The following CACNA1S variants were observed in gnomAD, a reference collection of about 807,000 sequenced individuals.
The protein encoded by CACNA1S is calcium voltage-gated channel subunit alpha1 S.
In CACNA1S, 126 loss-of-function variants were observed where a neutral mutation model predicts 207.4. That is an observed-to-expected ratio of 0.61 (90% CI 0.53 to 0.70). CACNA1S has a LOEUF of 0.70. Among genes scored for constraint, CACNA1S ranks in the 30% least tolerant of loss-of-function variants. The pLI is 0.00. For synonymous variants in CACNA1S, 960 were observed against 932.7 expected (o/e 1.03, Z -0.53); for missense variants, 2,349 against 2,422.8 (o/e 0.97, Z 0.64).
intron 2 of CACNA1S, among the ~76,000 whole-genome samples, chr1:201,097,423 C>G (rs1286352503): frequency 6.6e-6 from 1 of 151,974 alleles, no homozygotes; most frequent in Non-Finnish European, 1.5e-5. Flanking sequence ...GGTCCCCTAG[C>G]TCTCTAGCTG....
At chr1:201,074,657 T>C (rs1243440281) in intron 13 of CACNA1S, 37 bp from the exon 14 acceptor site, 1 of 1,353,722 alleles carries the variant, frequency 7.4e-7, no homozygotes, top group South Asian at 1.2e-5. Flanking sequence ...TGGTTGTAGG[T>C]GGAAGGGAGC....
intron 25 of CACNA1S, 32 bp downstream of exon 25, chr1:201,061,235 T>G (rs1279591047): frequency 6.3e-7 from 1 of 1,593,858 alleles, no homozygotes; most frequent in African/African-American, 1.3e-5. Flanking sequence ...GCTGGAGCTC[T>G]GCCCTCCACC....
chr1:201,091,858 C>T (rs1662245589), intron 4 of CACNA1S, 66 bp from the exon 5 acceptor site: 3 of 1,594,332 alleles, frequency 1.9e-6, no homozygotes, highest in Non-Finnish European at 1.7e-6. Flanking sequence ...CCCTCCCTCC[C>T]TATAAATCCT....
At chr1:201,055,778 G>C (rs1453772602) in intron 28 of CACNA1S, among the ~76,000 whole-genome samples, 4 of 152,110 alleles carry the variant, frequency 2.6e-5, no homozygotes, top group African/African-American at 9.7e-5. Flanking sequence ...AACACTACTG[G>C]TAAGGGACAT....
chr1:201,063,312 T>G (rs1206722275), intron 22 of CACNA1S, among the ~76,000 whole-genome samples: 4 of 151,570 alleles, frequency 2.6e-5, no homozygotes, highest in Non-Finnish European at 2.9e-5. Context: ...TTTTTTTTTT[T>G]GTTTGCTCAC....
chr1:201,071,117 G>A (rs192201107), intron 16 of CACNA1S, among the ~76,000 whole-genome samples: 94 of 152,180 alleles, frequency 6.2e-4, no homozygotes, highest in Middle Eastern at 3.4e-3. Context: ...GGAGAATCCC[G>A]TGATCAGACG....
chr1:201,099,017 A>C (rs1204349715), intron 2 of CACNA1S, among the ~76,000 whole-genome samples: 1 of 152,156 alleles, frequency 6.6e-6, no homozygotes, highest in Non-Finnish European at 1.5e-5. Flanking sequence ...CTTGGGTTGA[A>C]AAAAGCAGGG....
At chr1:201,109,229 G>A (rs1333483482) in intron 2 of CACNA1S, among the ~76,000 whole-genome samples, 1 of 139,762 alleles carries the variant, frequency 7.2e-6, no homozygotes, top group Non-Finnish European at 1.5e-5. Context: ...GGGCAACAGA[G>A]TGAGACTCTG....
chr1:201,040,836 C>T lies in CACNA1S; in HGVS notation c.5135-123G>A, dbSNP rs1660149707. ...GAGAGCTCTGAGATTCTCAGGGCTG[C>T]AGAAGGTGTCTTAGAGGGTGGACAC... On this transcript the variant is annotated intron_variant, in intron 41 of 43. Coordinates refer to ENST00000362061, the MANE Select transcript of CACNA1S (RefSeq NM_000069.3). 10 of 749,334 alleles carry T rather than the reference C, an allele frequency of 1.3e-5. 1 individual carries two copies. The South Asian group carries it at 1.5e-4, about 11-fold the overall frequency. The allele number at this position is 749,334 out of a possible 1,614,324, so 46.4% of individuals were successfully genotyped here.
chr1:201,058,807 C>T (rs1660940967), intron 27 of CACNA1S, among the ~76,000 whole-genome samples: 1 of 152,234 alleles, frequency 6.6e-6, no homozygotes, highest in Non-Finnish European at 1.5e-5. Context: ...CCCCACTGAA[C>T]ATCCTATCTG....
intron 5 of CACNA1S, among the ~76,000 whole-genome samples, chr1:201,090,201 G>A (rs1337853547): frequency 1.3e-5 from 2 of 152,124 alleles, no homozygotes. Context: ...GGGTCTGTAG[G>A]GGCCCTGACC....
At chr1:201,079,230 T>C (rs1661754894) in intron 10 of CACNA1S, among the ~76,000 whole-genome samples, 1 of 151,956 alleles carries the variant, frequency 6.6e-6, no homozygotes, top group South Asian at 2.1e-4. Flanking sequence ...TATATTGCTC[T>C]CTTCACTTCT....
chr1:201,044,201 G>T, intron 39 of CACNA1S, 127 bp downstream of exon 39: 1 of 1,151,008 alleles, frequency 8.7e-7, no homozygotes, highest in Non-Finnish European at 1.3e-6. Context: ...GAAGTGGAGA[G>T]ACGGAGTGGG....
At chr1:201,073,528 A>C (rs779290169) in intron 15 of CACNA1S, 21 bp downstream of exon 15, 1 of 1,592,934 alleles carries the variant, frequency 6.3e-7, no homozygotes, top group South Asian at 1.1e-5. Flanking sequence ...TGCCTCTAAC[A>C]TCCCCACCTG....
At chr1:201,073,302 G>A (rs766957760) in intron 15 of CACNA1S, among the ~76,000 whole-genome samples, 1 of 151,834 alleles carries the variant, frequency 6.6e-6, no homozygotes, top group East Asian at 2.0e-4. Flanking sequence ...TTGGTCTGGA[G>A]TGGGAAGCTG....
At position 201,044,476 on chromosome 1, in the gene CACNA1S, TCA is replaced by T; in HGVS notation, c.4669-22_4669-21del. The T allele has an allele frequency of 6.2e-7, 1 of 1,610,076 alleles. No homozygotes were observed. Among genetic ancestry groups the T allele is most frequent in the Non-Finnish European group, 8.5e-7 (1 of 1,179,192 alleles). ...CCCTGCCTGGGGATGACGAAGGGAC[TCA>T]GTTATCTCTCCAGCCCAGGAGAGGA... is the stretch of plus-strand genomic sequence containing the variant. On this transcript the variant is annotated intron_variant, in intron 38 of 43. Transcript: ENST00000362061.
intron 10 of CACNA1S, among the ~76,000 whole-genome samples, chr1:201,081,827 CCTCCCCTCCCA>C (rs1270931977): frequency 6.6e-6 from 1 of 152,082 alleles, no homozygotes; most frequent in Admixed American, 6.6e-5. Context: ...GTGTGTGGCA[CCTCCCCTCCCA>C]CTCTTTCTCT....
At chr1:201,056,904 C>T (rs2102567666) in intron 28 of CACNA1S, among the ~76,000 whole-genome samples, 1 of 152,294 alleles carries the variant, frequency 6.6e-6, no homozygotes, top group East Asian at 1.9e-4. Context: ...TCAGCTCAAC[C>T]TTCAAAATAG....
intron 3 of CACNA1S, among the ~76,000 whole-genome samples, 166 bp downstream of exon 3, chr1:201,093,716 A>G (rs1662318002): frequency 6.6e-6 from 1 of 152,154 alleles, no homozygotes; most frequent in African/African-American, 2.4e-5. Context: ...CTCCACCAAC[A>G]TGGACAGCTC....
Sources: allele counts gnomAD v4.1 joint callset (sites outside exome capture counted in the v4.1 genomes callset), GRCh38; gene constraint gnomAD v4.1.1; transcripts MANE v1.5; gene names NCBI Gene and HGNC (gene_info 2026-07-23, HGNC 2026-07-21).